POTEC: variants seen among roughly 807,000 people sequenced by gnomAD.
The protein encoded by POTEC is POTE ankyrin domain family member C.
Under a neutral mutation model 62.0 loss-of-function variants are expected in POTEC, and 35 were observed. That is an observed-to-expected ratio of 0.56 (90% CI 0.43 to 0.75). The LOEUF (loss-of-function observed/expected upper bound fraction) is 0.75, where lower values mean the gene tolerates loss of function less well. Among genes scored for constraint, POTEC ranks in the 30% least tolerant of loss-of-function variants. POTEC has a pLI of 0.00. For missense variants in POTEC, 472 were observed against 655.9 expected (o/e 0.72, Z 3.06); for synonymous variants, 156 against 221.5 (o/e 0.70, Z 2.62).
chr18:14,520,354 C>A (rs1910278861), intron 9 of POTEC, among the ~76,000 whole-genome samples: 2 of 150,432 alleles, frequency 1.3e-5, no homozygotes, highest in Admixed American at 6.6e-5. Context: ...ATTACAGAAG[C>A]TGATTATTAT....
At chr18:14,518,048 A>G (rs7504204) in intron 9 of POTEC, among the ~76,000 whole-genome samples, 32,399 of 152,112 alleles carry the variant, frequency 0.21, 3,997 homozygotes, top group East Asian at 0.48. Context: ...AAAAATGCAC[A>G]TAATTACCGG....
At chr18:14,518,416 C>G (rs988395064) in intron 9 of POTEC, among the ~76,000 whole-genome samples, 20 of 151,368 alleles carry the variant, frequency 1.3e-4, no homozygotes, top group African/African-American at 4.1e-4. Flanking sequence ...TTTTCTAATA[C>G]AAAAAACCTT....
chr18:14,531,185 G>A lies in POTEC; in HGVS notation c.1056-632C>T, dbSNP rs373535512. ...GCTTATAATTCAGGGCATCTCAACT[G>A]TGTCATAGTTTGTAACTAAATTTTT... On this transcript the variant is annotated intron_variant, in intron 5 of 10. Coordinates refer to ENST00000358970, the MANE Select transcript of POTEC (RefSeq NM_001137671.2). Among the ~76,000 whole-genome samples, 157 of 152,054 alleles carry A rather than the reference G, an allele frequency of 1.0e-3. 3 individuals carry two copies. The East Asian group carries it at 0.022, about 22-fold the overall frequency.
At chr18:14,524,196 A>G (rs552603361) in intron 7 of POTEC, among the ~76,000 whole-genome samples, 33 of 152,160 alleles carry the variant, frequency 2.2e-4, no homozygotes, top group Non-Finnish European at 4.1e-4. Context: ...TTCTGCAACT[A>G]AAATAAGGTA....
rs1906017225 is a variant in POTEC at position 14,543,114 on chromosome 18, G to A, written c.33C>T (p.Ala11=). The A allele has an allele frequency of 1.1e-5, 17 of 1,613,982 alleles. No homozygotes were observed. The highest frequency in any genetic ancestry group is 1.4e-5 in the Non-Finnish European group (17 of 1,179,876). The part of the protein sequence containing the change: MVTEVCSMPA[A]SAVKKPFDLR... ...GATCGAATGGCTTCTTCACAGCAGA[G>A]GCAGCGGGCATTGAACAAACCTCAG... Residue 11 remains alanine (A), a synonymous_variant, in exon 1 of 11, where the codon GCC becomes GCT. Transcript: ENST00000358970.
At position 14,543,157 on chromosome 18, in the gene POTEC, C is replaced by G. The variant is rs1035308919; in HGVS notation, c.-11G>C. On this transcript the variant is annotated 5_prime_UTR_variant, in exon 1 of 11. Transcript: ENST00000358970. Reference sequence around the variant, plus strand: ...AACCTCAGTCACCATCTGCTTTTAACAGCCCGGGGAGGCCGGTAGTAGCGA... The same window carrying G: ...AACCTCAGTCACCATCTGCTTTTAAGAGCCCGGGGAGGCCGGTAGTAGCGA... 17 of 1,613,582 alleles carry G rather than the reference C, an allele frequency of 1.1e-5. No individual in the cohort carries two copies. The highest frequency in any genetic ancestry group is 1.4e-5 in the Non-Finnish European group (17 of 1,179,858).
intron 3 of POTEC, among the ~76,000 whole-genome samples, chr18:14,535,422 C>A (rs1158762386): frequency 7.2e-5 from 11 of 151,844 alleles, no homozygotes; most frequent in Admixed American, 4.6e-4. Context: ...TTTAGTTTCA[C>A]ATGTTTTACC....
chr18:14,519,774 C>T (rs1034399156), intron 9 of POTEC, among the ~76,000 whole-genome samples: 20 of 151,752 alleles, frequency 1.3e-4, no homozygotes, highest in African/African-American at 4.6e-4. Context: ...CCCTGGGAAA[C>T]AACAATGTCC....
At chr18:14,520,341 T>G (rs898954481) in intron 9 of POTEC, among the ~76,000 whole-genome samples, 15 of 150,972 alleles carry the variant, frequency 9.9e-5, no homozygotes, top group Non-Finnish European at 1.9e-4. Flanking sequence ...TGACCATTTC[T>G]AGATTACAGA....
chr18:14,537,198 CACACACACACACAAA>C (rs1905752316), intron 3 of POTEC, among the ~76,000 whole-genome samples: 1 of 83,706 alleles, frequency 1.2e-5, no homozygotes, highest in African/African-American at 7.4e-5. Flanking sequence ...CACACACACA[CACACACACACACAAA>C]AAAAAAAAAA....
At chr18:14,534,018 C>T (rs1323975587) in intron 4 of POTEC, among the ~76,000 whole-genome samples, 1 of 149,912 alleles carries the variant, frequency 6.7e-6, no homozygotes, top group East Asian at 2.0e-4. Context: ...TGGTGCGCTG[C>T]ACCCACTAAC....
chr18:14,523,004 T>TGTTGTG (rs1313667064), intron 8 of POTEC, among the ~76,000 whole-genome samples: 1 of 151,238 alleles, frequency 6.6e-6, no homozygotes, highest in Non-Finnish European at 1.5e-5. Flanking sequence ...AAAACCAAAG[T>TGTTGTG]TTGCCACAAC....
intron 6 of POTEC, among the ~76,000 whole-genome samples, chr18:14,526,185 A>C (rs1910432043): frequency 6.6e-6 from 1 of 152,034 alleles, no homozygotes; most frequent in Non-Finnish European, 1.5e-5. Flanking sequence ...GGTGTGAGCC[A>C]CCACACCCAG....
At chr18:14,522,511 C>G (rs1026656399) in intron 8 of POTEC, 91 bp from the exon 9 acceptor site, 18 of 1,529,904 alleles carry the variant, frequency 1.2e-5, no homozygotes, top group Non-Finnish European at 1.4e-5. Flanking sequence ...CTCAGTTTGC[C>G]ATTATTTTAG....
rs773768325 is a variant in POTEC at position 14,537,977 on chromosome 18, G to C, written c.637-3C>G. ...TCATCTTCCTGGCATTGTACGGCCT[G>C]TCAGTATTAGACCAAAAACAAATTA... On this transcript the variant is annotated splice_polypyrimidine_tract_variant and splice_region_variant and intron_variant, in intron 2 of 10. Coordinates refer to ENST00000358970, the MANE Select transcript of POTEC (RefSeq NM_001137671.2). The C allele has an allele frequency of 6.2e-7, 1 of 1,608,456 alleles. No individual in the cohort carries two copies.
At chr18:14,533,775 G>A (rs1598480935) in intron 4 of POTEC, among the ~76,000 whole-genome samples, 1 of 152,130 alleles carries the variant, frequency 6.6e-6, no homozygotes, top group South Asian at 2.1e-4. Flanking sequence ...CAACATATTG[G>A]GTGGTAAATA....
chr18:14,524,462 T>C (rs1453694919), intron 7 of POTEC, among the ~76,000 whole-genome samples: 3 of 152,188 alleles, frequency 2.0e-5, no homozygotes, highest in East Asian at 1.9e-4. Flanking sequence ...CAGTGTTACA[T>C]TGTTCATAGT....
intron 9 of POTEC, among the ~76,000 whole-genome samples, chr18:14,516,667 G>C (rs1054921911): frequency 4.1e-5 from 6 of 145,932 alleles, no homozygotes; most frequent in Non-Finnish European, 6.0e-5. Flanking sequence ...AACTACTGGG[G>C]GGGGGTGTAT....
In POTEC at chr18:14,511,739, C is replaced by T; in HGVS notation, c.*159G>A. On this transcript the variant is annotated 3_prime_UTR_variant, in exon 11 of 11. Transcript: ENST00000358970. ...TTCAGAACTGAGCATTCTCAGTTGT[C>T]AAAATCCTAAGCTGTCCACTGTACT... The T allele has an allele frequency of 2.7e-6, 2 of 745,286 alleles. No individual in the cohort carries two copies. Among genetic ancestry groups the T allele is most frequent in the East Asian group, 2.6e-5 (1 of 38,686 alleles). The allele number at this position is 745,286 out of a possible 1,614,324, so 46.2% of individuals were successfully genotyped here.
Sources: gnomAD v4.1 joint callset for allele counts (sites outside exome capture counted in the v4.1 genomes callset) on GRCh38, gnomAD v4.1.1 for gene constraint, MANE v1.5 for transcripts, NCBI Gene and HGNC (gene_info 2026-07-23, HGNC 2026-07-21) for gene names.